Variants in MARK3 observed in about 807,000 individuals in gnomAD.
MARK3 encodes the protein MAP/microtubule affinity-regulating kinase 3.
In MARK3, 46 loss-of-function variants were observed where a neutral mutation model predicts 90.1. That is an observed-to-expected ratio of 0.51 (90% CI 0.40 to 0.65). MARK3 has a LOEUF of 0.65. Ranked by LOEUF, MARK3 falls within the 30% of genes least tolerant of loss-of-function variation. MARK3 has a pLI of 0.00. For synonymous variants in MARK3, 321 were observed against 332.6 expected (o/e 0.97, Z 0.38); for missense variants, 818 against 947.2 (o/e 0.86, Z 1.79).
intron 17 of MARK3, 150 bp from the exon 18 acceptor site, chr14:103,502,732 G>T (rs930346056): frequency 9.5e-6 from 6 of 632,608 alleles, no homozygotes; most frequent in Non-Finnish European, 1.6e-5. Context: ...GACGAAAATA[G>T]ACTTAGTTAC....
intron 5 of MARK3, among the ~76,000 whole-genome samples, chr14:103,454,529 T>A (rs989016393): frequency 4.7e-4 from 72 of 152,248 alleles, no homozygotes; most frequent in African/African-American, 1.4e-3. Flanking sequence ...GGATTATAGG[T>A]GTGAGCCACA....
At chr14:103,459,769 C>T (rs1484840526) in intron 6 of MARK3, among the ~76,000 whole-genome samples, 1 of 152,034 alleles carries the variant, frequency 6.6e-6, no homozygotes, top group Non-Finnish European at 1.5e-5. Context: ...CCTCCTCAGC[C>T]TCCCAAAATG....
At chr14:103,431,609 T>A (rs751596249) in intron 3 of MARK3, among the ~76,000 whole-genome samples, 1 of 152,108 alleles carries the variant, frequency 6.6e-6, no homozygotes, top group Non-Finnish European at 1.5e-5. Flanking sequence ...ATTTGTAACA[T>A]GTAATGAAAT....
At chr14:103,469,652 C>T (rs932336425) in intron 12 of MARK3, among the ~76,000 whole-genome samples, 1 of 151,960 alleles carries the variant, frequency 6.6e-6, no homozygotes, top group Non-Finnish European at 1.5e-5. Flanking sequence ...GGGATTTCAC[C>T]ATGTTGGCCA....
At chr14:103,419,741 G>A (rs1340212485) in intron 2 of MARK3, among the ~76,000 whole-genome samples, 1 of 152,120 alleles carries the variant, frequency 6.6e-6, no homozygotes, top group African/African-American at 2.4e-5. Context: ...GGTAGACAGT[G>A]ATGAATTTTT....
intron 14 of MARK3, among the ~76,000 whole-genome samples, chr14:103,487,716 A>G (rs2093953873): frequency 6.6e-6 from 1 of 152,186 alleles, no homozygotes; most frequent in Admixed American, 6.5e-5. Context: ...AGGTAAGGGC[A>G]CAAGAGATAG....
chr14:103,408,022 G>C (rs759333740), intron 2 of MARK3, among the ~76,000 whole-genome samples: 2 of 151,982 alleles, frequency 1.3e-5, no homozygotes, highest in Non-Finnish European at 2.9e-5. Context: ...CCCTTATATG[G>C]CACAATTTAC....
chr14:103,453,608 T>A (rs2093206551), intron 5 of MARK3, among the ~76,000 whole-genome samples: 1 of 152,194 alleles, frequency 6.6e-6, no homozygotes, highest in Non-Finnish European at 1.5e-5. Context: ...ATGTCTAGTT[T>A]GGGAATTTCA....
At chr14:103,438,527 G>T (rs184520357) in intron 3 of MARK3, among the ~76,000 whole-genome samples, 1 of 152,318 alleles carries the variant, frequency 6.6e-6, no homozygotes, top group African/African-American at 2.4e-5. Flanking sequence ...CAGCTTGCAT[G>T]TGGTAGATAC....
At chr14:103,459,678 T>TA (rs1452510077) in intron 6 of MARK3, among the ~76,000 whole-genome samples, 38 of 151,282 alleles carry the variant, frequency 2.5e-4, no homozygotes, top group Admixed American at 4.0e-4. Flanking sequence ...TTTTTATTTT[T>TA]TTTTTTGTAA....
chr14:103,467,678 A>AAAAAAAAAAAAAAAAG (rs2093539206), intron 11 of MARK3: 1 of 151,024 alleles, frequency 6.6e-6, no homozygotes, highest in Non-Finnish European at 1.4e-5. Flanking sequence ...CTGTCTCAAA[A>AAAAAAAAAAAAAAAAG]AAAAAAAAAA....
intron 6 of MARK3, 52 bp from the exon 7 acceptor site, chr14:103,462,353 T>C: frequency 7.6e-7 from 1 of 1,323,552 alleles, no homozygotes; most frequent in Non-Finnish European, 1.1e-6. Context: ...TATTTTCATC[T>C]TAATTACGAA....
At chr14:103,502,373 C>T (rs2075718260) in intron 17 of MARK3, among the ~76,000 whole-genome samples, 1 of 152,184 alleles carries the variant, frequency 6.6e-6, no homozygotes, top group Admixed American at 6.5e-5. Context: ...TCATGTTCAG[C>T]CTCAGGGCTG....
chr14:103,479,530 A>G (rs1274114832), intron 13 of MARK3, among the ~76,000 whole-genome samples: 4 of 151,418 alleles, frequency 2.6e-5, no homozygotes, highest in Non-Finnish European at 5.9e-5. Flanking sequence ...AAGCTTTCCT[A>G]GCAGGTATGA....
In MARK3 at chr14:103,466,385, G is replaced by A; in HGVS notation, c.940G>A (p.Asp314Asn). Residue 314 changes from aspartate to asparagine, a missense_variant, in exon 10 of 18, where the codon GAT becomes AAT. By Grantham distance (23) the Asp-to-Asn change is conservative. Coordinates refer to ENST00000429436, the MANE Select transcript of MARK3 (RefSeq NM_001128918.3). ...DRWINAGHEE[D>N]ELKPFVEPEL... Reference sequence around the variant, plus strand: ...GTGGATCAATGCAGGGCATGAAGAAGATGAACTCAAACCATTTGTTGAACC... The same window carrying A: ...GTGGATCAATGCAGGGCATGAAGAAAATGAACTCAAACCATTTGTTGAACC... The A allele has an allele frequency of 6.2e-7, 1 of 1,614,046 alleles. No individual in the cohort carries two copies. Among genetic ancestry groups the A allele is most frequent in the Non-Finnish European group, 8.5e-7 (1 of 1,179,938 alleles).
intron 1 of MARK3, among the ~76,000 whole-genome samples, chr14:103,398,283 C>T (rs900202582): frequency 7.2e-5 from 11 of 152,186 alleles, no homozygotes; most frequent in African/African-American, 2.7e-4. Context: ...TAGATGGCTG[C>T]TTCCATCAAT....
intron 12 of MARK3, 36 bp downstream of exon 12, chr14:103,468,222 G>A (rs1379760324): frequency 3.2e-6 from 5 of 1,581,444 alleles, no homozygotes; most frequent in African/African-American, 2.7e-5. Flanking sequence ...TTCTCTTAGA[G>A]TCCAGGCAAG....
chr14:103,441,247 T>C (rs1220803944), intron 3 of MARK3, among the ~76,000 whole-genome samples: 1 of 152,134 alleles, frequency 6.6e-6, no homozygotes, highest in African/African-American at 2.4e-5. Context: ...ATCAGTCTTT[T>C]TTTAATATGC....
rs375599947 is a variant in MARK3, at chr14:103,405,080, C to G, written c.56C>G (p.Thr19Arg). 6.2e-7 allele frequency: 1 copy of G among 1,613,532 alleles called. No homozygotes were observed. Among genetic ancestry groups the G allele is most frequent in the Non-Finnish European group, 8.5e-7 (1 of 1,179,728 alleles). The change falls in exon 2 of 18, where the codon ACG becomes AGG. Residue 19 changes from threonine to arginine, a missense_variant. Transcript: ENST00000429436. ...TVNERDTENHTSHGDGRQEVT... is the reference protein window; with the variant it reads ...TVNERDTENHRSHGDGRQEVT... Reference sequence around the variant, plus strand: ...TTTGTGTATGCTGTATTGCAGCACACGTCACATGGAGATGGGCGTCAAGAA... The same window carrying G: ...TTTGTGTATGCTGTATTGCAGCACAGGTCACATGGAGATGGGCGTCAAGAA...
Sources: gnomAD v4.1 joint callset for allele counts (sites outside exome capture counted in the v4.1 genomes callset) on GRCh38, gnomAD v4.1.1 for gene constraint, MANE v1.5 for transcripts, NCBI Gene and HGNC (gene_info 2026-07-23, HGNC 2026-07-21) for gene names.